Variants in GALNT2 observed in about 807,000 individuals in gnomAD.
GALNT2 encodes polypeptide N-acetylgalactosaminyltransferase 2.
GALNT2 carries 31 observed loss-of-function variants against 81.4 expected under a neutral mutation model. The observed-to-expected ratio is 0.38, with a 90% CI of 0.29 to 0.51. GALNT2 has a LOEUF of 0.51. Among genes scored for constraint, GALNT2 ranks in the 20% least tolerant of loss-of-function variants. The pLI is 0.87. For synonymous variants in GALNT2, 303 were observed against 287.4 expected (o/e 1.05, Z -0.55); for missense variants, 629 against 765.7 (o/e 0.82, Z 2.11).
At chr1:230,067,431 C>G in intron 1 of GALNT2, 25 bp downstream of exon 1, 1 of 1,005,816 alleles carries the variant, frequency 9.9e-7, no homozygotes, top group South Asian at 4.2e-5. Flanking sequence ...CTGCCGCGGC[C>G]GGGCCCCTGC....
rs1189278044 is a variant in GALNT2, at chr1:230,271,271, TC to T, written c.1441-3172del. Among the ~76,000 whole-genome samples the T allele has an allele frequency of 6.6e-6, 1 of 152,072 alleles. No individual in the cohort carries two copies. Among genetic ancestry groups the T allele is most frequent in the Non-Finnish European group, 1.5e-5 (1 of 67,996 alleles). ...CTGCCTATGGGAAACACACACGGCT[TC>T]CTCTCTACACTCCACACCTTCCATA... On this transcript the variant is annotated intron_variant, in intron 14 of 15. Coordinates refer to ENST00000366672, the MANE Select transcript of GALNT2 (RefSeq NM_004481.5). This position sits in a 1 kb window ranked among gnomAD's most constrained non-coding sequence, Gnocchi z 4.2.
At chr1:230,175,490 C>T (rs888091030) in intron 1 of GALNT2, among the ~76,000 whole-genome samples, 1 of 151,984 alleles carries the variant, frequency 6.6e-6, no homozygotes, top group Non-Finnish European at 1.5e-5. Flanking sequence ...CTTGGCACCT[C>T]GTAAATACTG....
At chr1:230,231,526 G>GTT (rs1348109639) in intron 3 of GALNT2, among the ~76,000 whole-genome samples, 1 of 152,148 alleles carries the variant, frequency 6.6e-6, no homozygotes, top group Non-Finnish European at 1.5e-5. Context: ...AAGAGCTTGC[G>GTT]TTTGGTTATT....
chr1:230,243,212 G>A lies in GALNT2; in HGVS notation c.608-94G>A. The A allele has an allele frequency of 6.8e-7, 1 of 1,466,480 alleles. No homozygotes were observed. Among genetic ancestry groups the A allele is most frequent in the Non-Finnish European group, 9.0e-7 (1 of 1,107,304 alleles). The allele number at this position is 1,466,480 out of a possible 1,614,324, so 90.8% of individuals were successfully genotyped here. ...GTCCGTGCCCAGAAAGCAGGCTGCA[G>A]AGCTGCGGGCAGGGAGGCGTCGCCG... On this transcript the variant is annotated intron_variant, in intron 6 of 15. Coordinates refer to ENST00000366672, the MANE Select transcript of GALNT2 (RefSeq NM_004481.5). This position sits in a 1 kb window ranked among gnomAD's most constrained non-coding sequence, Gnocchi z 4.2.
intron 3 of GALNT2, among the ~76,000 whole-genome samples, chr1:230,213,740 T>C (rs1365347833): frequency 6.6e-6 from 1 of 152,222 alleles, no homozygotes; most frequent in Non-Finnish European, 1.5e-5. Flanking sequence ...TTTTCTTCTC[T>C]GTTGGTTTGC....
intron 1 of GALNT2, among the ~76,000 whole-genome samples, chr1:230,068,218 G>A (rs1480938155): frequency 6.6e-6 from 1 of 152,252 alleles, no homozygotes; most frequent in Non-Finnish European, 1.5e-5. Flanking sequence ...TGTGGGGACC[G>A]TGTGAGCCGC....
chr1:230,197,190 G>C (rs1018095502), intron 2 of GALNT2, among the ~76,000 whole-genome samples: 1 of 152,076 alleles, frequency 6.6e-6, no homozygotes, highest in African/African-American at 2.4e-5. Context: ...GTTATTTCCA[G>C]GTGTTTCTTG....
chr1:230,145,350 T>G (rs564984806), intron 1 of GALNT2, among the ~76,000 whole-genome samples: 1 of 152,238 alleles, frequency 6.6e-6, no homozygotes, highest in African/African-American at 2.4e-5. Context: ...CCTCAGACTC[T>G]GGCAGTCGGG....
intron 1 of GALNT2, among the ~76,000 whole-genome samples, chr1:230,154,861 C>T (rs752747812): frequency 3.9e-5 from 6 of 152,322 alleles, no homozygotes; most frequent in Non-Finnish European, 8.8e-5. Flanking sequence ...GCAGCCCTGG[C>T]ATACTTACTC....
chr1:230,119,544 G>A (rs569835227), intron 1 of GALNT2, among the ~76,000 whole-genome samples: 1 of 152,280 alleles, frequency 6.6e-6, no homozygotes, highest in South Asian at 2.1e-4. Flanking sequence ...CTCAGTGTCT[G>A]TATCTCCTAG....
chr1:230,275,812 A>AT lies in GALNT2; in HGVS notation c.1560+1248_1560+1249insT. ...ATATATACATGCCACATATATATAC[A>AT]AATATACATGCCACATATATACATG... On this transcript the variant is annotated intron_variant, in intron 15 of 15. Transcript: ENST00000366672. The surrounding 1 kb of genome is among the most constrained non-coding windows in gnomAD (Gnocchi z 5.5). 6.6e-6 allele frequency among the ~76,000 whole-genome samples: 1 copy of AT among 151,416 alleles called. No individual in the cohort carries two copies. The highest frequency in any genetic ancestry group is 1.5e-5 in the Non-Finnish European group (1 of 67,798).
intron 6 of GALNT2, among the ~76,000 whole-genome samples, chr1:230,242,599 A>G (rs1013277659): frequency 2.0e-5 from 3 of 152,072 alleles, no homozygotes; most frequent in African/African-American, 7.2e-5. Flanking sequence ...CAGTGGCGCA[A>G]TCATGGCTCA....
intron 1 of GALNT2, chr1:230,058,177 T>A (rs1658961693): frequency 6.6e-6 from 3 of 452,288 alleles, no homozygotes; most frequent in Non-Finnish European, 1.3e-5. Context: ...CTCCTGACAC[T>A]GGCCTCCTCC....
chr1:230,123,401 A>G (rs1208999851), intron 1 of GALNT2, among the ~76,000 whole-genome samples: 1 of 152,216 alleles, frequency 6.6e-6, no homozygotes, highest in Non-Finnish European at 1.5e-5. Context: ...GGGAATACCA[A>G]GGGTCTCCCC....
intron 3 of GALNT2, among the ~76,000 whole-genome samples, 191 bp downstream of exon 3, chr1:230,203,481 T>C (rs1229329320): frequency 6.6e-6 from 1 of 152,222 alleles, no homozygotes. Flanking sequence ...GGTTCTAGAT[T>C]CAGCTCTAGT....
chr1:230,261,841 T>C (rs960470090), intron 11 of GALNT2: 4 of 152,338 alleles, frequency 2.6e-5, no homozygotes, highest in African/African-American at 7.2e-5. Context: ...AAACCGTCTC[T>C]ACTAAAATTA....
intron 5 of GALNT2, 58 bp from the exon 6 acceptor site, chr1:230,236,602 A>G: frequency 6.5e-7 from 1 of 1,549,606 alleles, no homozygotes; most frequent in East Asian, 2.2e-5. Flanking sequence ...CTATGGTTGA[A>G]TGCAAAGCCC....
intron 1 of GALNT2, chr1:230,091,463 T>C (rs933550478): frequency 3.3e-5 from 5 of 152,226 alleles, no homozygotes; most frequent in African/African-American, 1.2e-4. Context: ...TGAGGAATCT[T>C]GATGCATCGG....
intron 1 of GALNT2, among the ~76,000 whole-genome samples, chr1:230,084,558 C>T (rs1057493721): frequency 2.0e-5 from 3 of 152,154 alleles, no homozygotes; most frequent in South Asian, 2.1e-4. Context: ...GGCTCAGCAC[C>T]GAGACGTTGC....
Sources: allele counts gnomAD v4.1 joint callset (sites outside exome capture counted in the v4.1 genomes callset), GRCh38; gene constraint gnomAD v4.1.1; non-coding constraint Gnocchi (gnomAD v3.1); transcripts MANE v1.5; gene names NCBI Gene and HGNC (gene_info 2026-07-23, HGNC 2026-07-21).